The following ATP7B variants were observed in gnomAD, a reference collection of about 807,000 sequenced individuals.
ATP7B encodes the protein copper-transporting ATPase 2.
In ATP7B, 113 loss-of-function variants were observed where a neutral mutation model predicts 118.9. That is an observed-to-expected ratio of 0.95 (90% CI 0.82 to 1.11). The LOEUF (loss-of-function observed/expected upper bound fraction) is 1.11. Ranked by LOEUF, ATP7B falls within the 50% of genes most tolerant of loss-of-function variation. The pLI is 0.00. For missense variants in ATP7B, 1,867 were observed against 1,871.4 expected (o/e 1.00, Z 0.04); for synonymous variants, 777 against 727.4 (o/e 1.07, Z -1.10).
At chr13:51,954,173 A>C (rs1245536820) in intron 9 of ATP7B, among the ~76,000 whole-genome samples, 1 of 152,228 alleles carries the variant, frequency 6.6e-6, no homozygotes, top group Non-Finnish European at 1.5e-5. Flanking sequence ...AAGGGAGTTC[A>C]GAGGGAAGGA....
intron 1 of ATP7B, among the ~76,000 whole-genome samples, chr13:51,991,019 C>T (rs530420654): frequency 1.3e-5 from 2 of 151,954 alleles, no homozygotes; most frequent in East Asian, 3.9e-4. Context: ...GCCTGGGAGG[C>T]GGAGCTTTCA....
chr13:51,955,768 C>A (rs1465270308), intron 9 of ATP7B, among the ~76,000 whole-genome samples: 1 of 151,306 alleles, frequency 6.6e-6, no homozygotes, highest in Admixed American at 6.6e-5. Flanking sequence ...AACTTTCATG[C>A]AATTAATTTA....
intron 1 of ATP7B, among the ~76,000 whole-genome samples, chr13:51,977,231 A>T (rs373961933): frequency 5.4e-5 from 8 of 147,108 alleles, no homozygotes; most frequent in East Asian, 3.9e-4. Context: ...TAAACGTTTA[A>T]TTTTTTTTTT....
At chr13:51,963,918 G>A (rs989641048) in intron 5 of ATP7B, among the ~76,000 whole-genome samples, 16 of 151,706 alleles carry the variant, frequency 1.1e-4, no homozygotes, top group African/African-American at 2.4e-4. Flanking sequence ...CAGGCATGGC[G>A]GTGCACGCCT....
At chr13:51,957,704 G>A in intron 8 of ATP7B, 97 bp from the exon 9 acceptor site, 1 of 1,230,658 alleles carries the variant, frequency 8.1e-7, no homozygotes, top group South Asian at 1.2e-5. Context: ...GACAGCTGGT[G>A]CGAGAGAAAC....
intron 9 of ATP7B, among the ~76,000 whole-genome samples, chr13:51,955,436 G>A (rs1402424923): frequency 6.6e-6 from 1 of 152,310 alleles, no homozygotes; most frequent in Admixed American, 6.5e-5. Context: ...CTGGTCTTCT[G>A]GCCCCTAGCT....
chr13:52,007,404 A>G (rs536829507), intron 1 of ATP7B, among the ~76,000 whole-genome samples: 26 of 152,266 alleles, frequency 1.7e-4, no homozygotes, highest in Middle Eastern at 3.4e-3. Context: ...CCCCATCTGT[A>G]AAGCAATGAT....
chr13:51,956,579 C>T (rs546967160), intron 9 of ATP7B, among the ~76,000 whole-genome samples: 15 of 152,184 alleles, frequency 9.9e-5, no homozygotes, highest in Admixed American at 2.0e-4. Flanking sequence ...GGAGGTGCCA[C>T]GGAGGAGGCT....
chr13:51,997,977 C>G (rs1566659944), intron 1 of ATP7B, among the ~76,000 whole-genome samples: 1 of 152,180 alleles, frequency 6.6e-6, no homozygotes. Context: ...AGGCATGGGC[C>G]ACCTTCCTAG....
intron 1 of ATP7B, among the ~76,000 whole-genome samples, chr13:51,993,067 C>T (rs1199553951): frequency 6.8e-6 from 1 of 146,634 alleles, no homozygotes; most frequent in Non-Finnish European, 1.5e-5. Flanking sequence ...GTAAGAAATG[C>T]AAAGTATAAG....
In ATP7B at chr13:51,949,701, G is replaced by A. The variant is rs758712064; in HGVS notation, c.2826C>T (p.Ile942=). The change falls in exon 12 of 21, where the codon ATC becomes ATT. Residue 942 remains isoleucine, a synonymous_variant. Coordinates refer to ENST00000242839, the MANE Select transcript of ATP7B (RefSeq NM_000053.4). ...STLTLVVWIV[I]GFIDFGVVQR... The stretch of plus-strand genomic sequence containing the variant: ...GAACAACACCAAAATCGATAAAACC[G>A]ATTACAATCCATACCACCAACGTCA... The A allele has an allele frequency of 1.2e-5, 19 of 1,613,844 alleles. No homozygotes were observed. The highest frequency in any genetic ancestry group is 8.9e-5 in the East Asian group (4 of 44,892).
chr13:51,992,979 CAAAAA>C (rs58319382), intron 1 of ATP7B, among the ~76,000 whole-genome samples: 3 of 62,932 alleles, frequency 4.8e-5, no homozygotes, highest in East Asian at 5.6e-4. Context: ...GACTCTGTCT[CAAAAA>C]AAAAAAAAAA....
At chr13:51,968,383 A>AT in intron 4 of ATP7B, 61 bp downstream of exon 4, 10 of 1,610,316 alleles carry the variant, frequency 6.2e-6, no homozygotes, top group Non-Finnish European at 8.5e-6. Flanking sequence ...ACAAAGATGG[A>AT]TGTGTCCAAA....
chr13:51,937,693 A>T lies in ATP7B; in HGVS notation c.3700-14T>A, dbSNP rs1410434710. 6.2e-7 allele frequency: 1 copy of T among 1,613,904 alleles called. No individual in the cohort carries two copies. Among genetic ancestry groups the T allele is most frequent in the East Asian group, 2.2e-5 (1 of 44,892 alleles). ...GTTGATGCCAACCTAAGACAAAAGG[A>T]AGGCAATGCCTAGTGTTGGCAAAAG... On this transcript the variant is annotated splice_polypyrimidine_tract_variant and intron_variant, in intron 17 of 20. Coordinates refer to ENST00000242839, the MANE Select transcript of ATP7B (RefSeq NM_000053.4).
chr13:51,961,871 CGTT>C lies in ATP7B; in HGVS notation c.1909_1911del (p.Asn637del). 6.2e-7 allele frequency: 1 copy of C among 1,613,854 alleles called. No individual in the cohort carries two copies. The highest frequency in any genetic ancestry group is 8.5e-7 in the Non-Finnish European group (1 of 1,179,932). On this transcript the variant is annotated inframe_deletion, in exon 6 of 21. Coordinates refer to ENST00000242839, the MANE Select transcript of ATP7B (RefSeq NM_000053.4). The stretch of plus-strand genomic sequence containing the variant: ...TCCATCTTGTGGTCCAAGTGATGAG[CGTT>C]GGGGTTTCTCTGGGCCAGGGAAGCA...
chr13:51,958,508 T>A lies in ATP7B; in HGVS notation c.2158A>T (p.Lys720Ter). Residue 720 changes from lysine to a stop codon, truncating the protein, a stop_gained, in exon 8 of 21, where the codon AAA (lysine) becomes TAA (stop). Coordinates refer to ENST00000242839, the MANE Select transcript of ATP7B (RefSeq NM_000053.4). LOFTEE classifies it high-confidence loss of function. ...GGWYFYVQAYKSLRHRSANMD... is the reference protein window; with the variant it reads ...GGWYFYVQAY ...TTGGCTGACCTGTGTCTCAGAGATT[T>A]GTAGGCCTGAACGTAGAAGTACCAC... is the stretch of plus-strand genomic sequence containing the variant. The A allele has an allele frequency of 6.2e-7, 1 of 1,614,180 alleles. No individual in the cohort carries two copies. The highest frequency in any genetic ancestry group is 1.1e-5 in the South Asian group (1 of 91,068).
chr13:51,943,743 C>T (rs1957478255), intron 14 of ATP7B, among the ~76,000 whole-genome samples: 1 of 152,124 alleles, frequency 6.6e-6, no homozygotes, highest in South Asian at 2.1e-4. Flanking sequence ...CCAGTACTCC[C>T]ATTTCATGTT....
intron 1 of ATP7B, among the ~76,000 whole-genome samples, chr13:51,990,663 G>C (rs1292864275): frequency 1.3e-5 from 2 of 152,244 alleles, no homozygotes; most frequent in Non-Finnish European, 2.9e-5. Flanking sequence ...AATAGCGAAT[G>C]CTGATGATTC....
chr13:51,939,326 GT>G (rs879534243), intron 16 of ATP7B, 133 bp from the exon 17 acceptor site: 5 of 1,416,298 alleles, frequency 3.5e-6, no homozygotes, highest in Non-Finnish European at 4.8e-6. Context: ...ACACAATGTG[GT>G]TTTTTTGCTT....
Sources: allele counts gnomAD v4.1 joint callset (sites outside exome capture counted in the v4.1 genomes callset), GRCh38; gene constraint gnomAD v4.1.1; transcripts MANE v1.5; gene names NCBI Gene and HGNC (gene_info 2026-07-23, HGNC 2026-07-21).